The following CTNNA3 variants were observed in gnomAD, a reference collection of about 807,000 sequenced individuals.
CTNNA3 encodes catenin alpha 3.
In CTNNA3, 76 loss-of-function variants were observed where a neutral mutation model predicts 95.7. The ratio of observed to expected loss-of-function variants is 0.79; its 90% confidence interval spans 0.66 to 0.96. CTNNA3 has a LOEUF of 0.96. Among genes scored for constraint, CTNNA3 ranks in the 40% least tolerant of loss-of-function variants. CTNNA3 has a pLI of 0.00. For synonymous variants in CTNNA3, 431 were observed against 374.4 expected (o/e 1.15, Z -1.74); for missense variants, 1,191 against 1,089.8 (o/e 1.09, Z -1.31).
Position 67,005,687 on chromosome 10 carries a change from T to TTTTTTTTTTTTTTTTG in CTNNA3, c.1047+174629_1047+174630insCAAAAAAAAAAAAAAA, listed in dbSNP as rs1554895952. ...TTTTGTTTATTTTACTCCATCTTTT[T>TTTTTTTTTTTTTTTTG]TTTTTTTTTTTTTTTTGAGACGGAG... is the stretch of plus-strand genomic sequence containing the variant. On this transcript the variant is annotated intron_variant, in intron 7 of 17. Coordinates refer to ENST00000433211, the MANE Select transcript of CTNNA3 (RefSeq NM_013266.4). Among the ~76,000 whole-genome samples, 375 of 102,296 alleles carry TTTTTTTTTTTTTTTTG rather than the reference T, an allele frequency of 3.7e-3. 36 individuals are homozygous for TTTTTTTTTTTTTTTTG. Among genetic ancestry groups the TTTTTTTTTTTTTTTTG allele is most frequent in the African/African-American group, 0.011 (353 of 32,424 alleles). The allele number at this position is 102,296 out of a possible 152,430, so 67.1% of individuals were successfully genotyped here. A position where few individuals can be genotyped will look rare whatever the true frequency, so the allele number is the denominator to read the frequency against.
chr10:66,994,698 G>C (rs1589565888), intron 7 of CTNNA3, among the ~76,000 whole-genome samples: 1 of 152,124 alleles, frequency 6.6e-6, no homozygotes, highest in Admixed American at 6.5e-5. Flanking sequence ...TTCAAGTTAT[G>C]ATTAAGATAA....
intron 7 of CTNNA3, among the ~76,000 whole-genome samples, chr10:67,087,879 A>G (rs1047680951): frequency 3.3e-5 from 5 of 152,088 alleles, no homozygotes; most frequent in Non-Finnish European, 7.4e-5. Context: ...AAATACACAT[A>G]TAGTGCTTAA....
chr10:66,275,188 G>C lies in CTNNA3; in HGVS notation c.1884+5282C>G, dbSNP rs187072635. On this transcript the variant is annotated intron_variant, in intron 13 of 17. Transcript: ENST00000433211. ...TCTGGAGTGCAATGGCATGATCTCA[G>C]CTCACTGCAACCTCTGCCTCCCAGG... Among the ~76,000 whole-genome samples, 16 of 152,220 alleles carry C rather than the reference G, an allele frequency of 1.1e-4. 1 individual carries two copies. The East Asian group carries it at 3.1e-3, about 29-fold the overall frequency.
intron 5 of CTNNA3, among the ~76,000 whole-genome samples, chr10:67,510,848 T>C (rs1839602943): frequency 6.6e-6 from 1 of 152,214 alleles, no homozygotes; most frequent in Non-Finnish European, 1.5e-5. Flanking sequence ...CTTCCATTTG[T>C]TTGTGTCCTC....
intron 12 of CTNNA3, 129 bp downstream of exon 12, chr10:66,379,023 A>G (rs1326137809): frequency 2.7e-6 from 2 of 732,992 alleles, no homozygotes; most frequent in Non-Finnish European, 4.5e-6. Flanking sequence ...CAAAGTGTGC[A>G]AGCACTGTAT....
At chr10:66,425,689 C>T (rs12777354) in intron 11 of CTNNA3, among the ~76,000 whole-genome samples, 26 of 93,612 alleles carry the variant, frequency 2.8e-4, no homozygotes, top group East Asian at 2.2e-3. Context: ...TATATATATA[C>T]ACACACACAC....
chr10:66,475,561 C>CAGA (rs1215050590), intron 11 of CTNNA3, among the ~76,000 whole-genome samples: 1 of 151,910 alleles, frequency 6.6e-6, no homozygotes, highest in Non-Finnish European at 1.5e-5. Flanking sequence ...AGGACATGAA[C>CAGA]AGATACTTCT....
chr10:66,374,899 G>A (rs2092783984), intron 12 of CTNNA3, among the ~76,000 whole-genome samples: 1 of 151,962 alleles, frequency 6.6e-6, no homozygotes, highest in African/African-American at 2.4e-5. Context: ...ACAGGTGTGA[G>A]CCACCACACC....
chr10:66,209,843 C>T (rs1228891789), intron 13 of CTNNA3, among the ~76,000 whole-genome samples: 2 of 152,024 alleles, frequency 1.3e-5, no homozygotes, highest in Admixed American at 1.3e-4. Context: ...TGTAGTAGCT[C>T]GTATTTATGC....
chr10:67,551,354 A>G (rs1478653408), intron 3 of CTNNA3, among the ~76,000 whole-genome samples: 1 of 152,130 alleles, frequency 6.6e-6, no homozygotes, highest in East Asian at 1.9e-4. Flanking sequence ...GTCGGAGAAG[A>G]GTCAGGCAGT....
intron 5 of CTNNA3, among the ~76,000 whole-genome samples, chr10:67,477,836 C>A (rs1416484923): frequency 6.6e-6 from 1 of 152,072 alleles, no homozygotes; most frequent in African/African-American, 2.4e-5. Context: ...TGATACCTAA[C>A]CAAAATGGAA....
chr10:66,189,618 A>ATATATATATG (rs199807873), intron 13 of CTNNA3, among the ~76,000 whole-genome samples: 13 of 58,496 alleles, frequency 2.2e-4, no homozygotes, highest in African/African-American at 4.8e-4. Context: ...ATATATATAT[A>ATATATATATG]CACACATACA....
At chr10:66,923,885 GC>G (rs1175613725) in intron 7 of CTNNA3, among the ~76,000 whole-genome samples, 1 of 151,968 alleles carries the variant, frequency 6.6e-6, no homozygotes, top group Non-Finnish European at 1.5e-5. Flanking sequence ...TTTTTCAATA[GC>G]TATTTATTGC....
rs189865955 is a variant in CTNNA3, at chr10:66,120,283, T to C, written c.1885-17034A>G. 9.0e-4 allele frequency among the ~76,000 whole-genome samples: 137 copies of C among 152,314 alleles called. 1 individual carries two copies. The highest frequency in any genetic ancestry group is 1.7e-3 in the Non-Finnish European group (117 of 68,000). ...TATCTTATAGGGTTGTTGTGAGGAA[T>C]ATATGACAGTAATGTAAAGTACTGA... On this transcript the variant is annotated intron_variant, in intron 13 of 17. Transcript: ENST00000433211.
chr10:67,690,771 A>C (rs1008941487), intron 1 of CTNNA3, among the ~76,000 whole-genome samples: 1 of 152,218 alleles, frequency 6.6e-6, no homozygotes, highest in East Asian at 1.9e-4. Flanking sequence ...AACGCTACTC[A>C]AACTGCAGGT....
chr10:66,064,109 T>G (rs557151121), intron 15 of CTNNA3, among the ~76,000 whole-genome samples: 2 of 152,180 alleles, frequency 1.3e-5, no homozygotes, highest in East Asian at 3.9e-4. Flanking sequence ...TACAATCATG[T>G]CAGTAGGCAA....
At chr10:66,375,380 G>T (rs2092788825) in intron 12 of CTNNA3, among the ~76,000 whole-genome samples, 1 of 152,048 alleles carries the variant, frequency 6.6e-6, no homozygotes. Context: ...AAGGCTCAGT[G>T]AAAAAGAGGA....
intron 1 of CTNNA3, among the ~76,000 whole-genome samples, chr10:67,730,373 A>AT (rs1589583731): frequency 2.0e-5 from 3 of 151,888 alleles, no homozygotes; most frequent in South Asian, 4.2e-4. Flanking sequence ...TAACCCTACC[A>AT]TTTTTTTAGC....
At chr10:66,474,664 C>T (rs990835548) in intron 11 of CTNNA3, among the ~76,000 whole-genome samples, 2 of 151,952 alleles carry the variant, frequency 1.3e-5, no homozygotes, top group African/African-American at 4.8e-5. Flanking sequence ...TTCTGAGTAA[C>T]AGTATGTAAG....
Sources: allele counts gnomAD v4.1 joint callset (sites outside exome capture counted in the v4.1 genomes callset), GRCh38; gene constraint gnomAD v4.1.1; transcripts MANE v1.5; gene names NCBI Gene and HGNC (gene_info 2026-07-23, HGNC 2026-07-21).